KCNQ5: variants seen among roughly 807,000 people sequenced by gnomAD.
KCNQ5 encodes potassium voltage-gated channel subfamily Q member 5.
A neutral mutation model predicts 98.2 loss-of-function variants in KCNQ5; 30 were observed. The ratio of observed to expected loss-of-function variants is 0.31; its 90% CI spans 0.23 to 0.41. The LOEUF is 0.41. Among genes scored for constraint, KCNQ5 ranks in the 10% least tolerant of loss-of-function variants. The pLI is 1.00. For synonymous variants in KCNQ5, 458 were observed against 449.4 expected, an observed-to-expected ratio of 1.02 and a Z score of -0.24; for missense variants, 835 against 1,182.5, an observed-to-expected ratio of 0.71 and a Z score of 4.31.
In KCNQ5 at chr6:72,919,526, G is replaced by A. The variant is rs577763190; in HGVS notation, c.399-84382G>A. ...TAGTTATATGTTGTATTTTTCAGAT[G>A]AGGAAACAGAGGACTGAAGTTCAGT... On this transcript the variant is annotated intron_variant, in intron 1 of 13. Coordinates refer to ENST00000370398, the MANE Select transcript of KCNQ5 (RefSeq NM_019842.4). Among the ~76,000 whole-genome samples the A allele has an allele frequency of 2.0e-5, 3 of 152,226 alleles. No homozygotes were observed. In the South Asian group the frequency reaches 6.2e-4, roughly 32 times the overall value.
intron 10 of KCNQ5, among the ~76,000 whole-genome samples, chr6:73,168,274 A>C (rs1777879291): frequency 6.6e-6 from 1 of 152,246 alleles, no homozygotes; most frequent in African/African-American, 2.4e-5. Flanking sequence ...TTTGGAGCCC[A>C]ACCAGGACAG....
intron 2 of KCNQ5, among the ~76,000 whole-genome samples, chr6:73,018,925 A>C (rs1014488800): frequency 2.6e-5 from 4 of 152,116 alleles, no homozygotes; most frequent in African/African-American, 9.7e-5. Flanking sequence ...TACCTTCTTT[A>C]TTTTGGATAC....
chr6:72,648,495 C>A (rs141438793), intron 1 of KCNQ5, among the ~76,000 whole-genome samples: 2 of 152,054 alleles, frequency 1.3e-5, no homozygotes, highest in Non-Finnish European at 2.9e-5. Context: ...GGTGCAAAAA[C>A]ATTTTTATAG....
At chr6:73,192,884 AATCTC>A (rs1300077401) in intron 13 of KCNQ5, among the ~76,000 whole-genome samples, 193 bp downstream of exon 13, 1 of 151,894 alleles carries the variant, frequency 6.6e-6, no homozygotes, top group East Asian at 1.9e-4. Context: ...AGGAATAGAA[AATCTC>A]ATCTCATCAA....
chr6:73,154,346 A>G (rs1429982907), intron 10 of KCNQ5, among the ~76,000 whole-genome samples: 1 of 152,222 alleles, frequency 6.6e-6, no homozygotes, highest in Non-Finnish European at 1.5e-5. Flanking sequence ...TTGTTGCTAC[A>G]GTACCAGCAA....
chr6:72,667,694 AG>A (rs534303760), intron 1 of KCNQ5, among the ~76,000 whole-genome samples: 117 of 152,328 alleles, frequency 7.7e-4, no homozygotes, highest in African/African-American at 2.7e-3. Context: ...CAAATGGTTG[AG>A]GTTAATATCA....
At chr6:73,022,273 A>G (rs531319120) in intron 2 of KCNQ5, among the ~76,000 whole-genome samples, 31 of 152,132 alleles carry the variant, frequency 2.0e-4, no homozygotes, top group Non-Finnish European at 1.5e-5. Flanking sequence ...ATAGTTACCA[A>G]TCCCTCCTCA....
intron 1 of KCNQ5, among the ~76,000 whole-genome samples, chr6:72,840,064 T>G (rs1274691272): frequency 6.6e-6 from 1 of 152,224 alleles, no homozygotes; most frequent in East Asian, 1.9e-4. Flanking sequence ...TGAGTTTGAC[T>G]GTTTAACTCA....
chr6:73,110,828 G>C (rs1179185215), intron 6 of KCNQ5, among the ~76,000 whole-genome samples: 1 of 152,104 alleles, frequency 6.6e-6, no homozygotes, highest in Non-Finnish European at 1.5e-5. Flanking sequence ...TCATCAAAGT[G>C]CTAGAAGTAT....
chr6:73,116,179 G>GCAATGA (rs1226845531), intron 7 of KCNQ5, among the ~76,000 whole-genome samples: 5 of 152,166 alleles, frequency 3.3e-5, no homozygotes, highest in Non-Finnish European at 5.9e-5. Context: ...ACTGGGAACA[G>GCAATGA]CAGTTACATT....
At chr6:73,010,368 C>T (rs1453916979) in intron 2 of KCNQ5, among the ~76,000 whole-genome samples, 1 of 151,916 alleles carries the variant, frequency 6.6e-6, no homozygotes, top group Non-Finnish European at 1.5e-5. Context: ...ACTACCTCAA[C>T]ATGATAAAAG....
intron 1 of KCNQ5, among the ~76,000 whole-genome samples, chr6:72,741,599 A>G (rs1561953976): frequency 1.3e-5 from 2 of 152,164 alleles, no homozygotes; most frequent in Non-Finnish European, 1.5e-5. Flanking sequence ...CTGGTCCATA[A>G]TCTTCATTTT....
intron 2 of KCNQ5, among the ~76,000 whole-genome samples, chr6:73,037,386 AT>A (rs1443293726): frequency 6.6e-6 from 1 of 151,826 alleles, no homozygotes; most frequent in African/African-American, 2.4e-5. Flanking sequence ...CCAATTTCTC[AT>A]TTTTTCCTTT....
chr6:72,668,471 G>T (rs67895524), intron 1 of KCNQ5, among the ~76,000 whole-genome samples: 32,865 of 152,004 alleles, frequency 0.22, 4,580 homozygotes, highest in East Asian at 0.51. Context: ...CTCTGTGTGT[G>T]TGTGTGTGTT....
intron 1 of KCNQ5, among the ~76,000 whole-genome samples, chr6:72,875,834 T>G (rs1778384669): frequency 6.6e-6 from 1 of 152,098 alleles, no homozygotes; most frequent in African/African-American, 2.4e-5. Context: ...ATTAATTTTT[T>G]GTTATGATTA....
chr6:73,023,585 C>T (rs908874217), intron 2 of KCNQ5, among the ~76,000 whole-genome samples: 1 of 152,152 alleles, frequency 6.6e-6, no homozygotes, highest in Non-Finnish European at 1.5e-5. Context: ...CCCCTAGGAA[C>T]CTTCATTTAA....
At chr6:72,746,113 T>G in intron 1 of KCNQ5, among the ~76,000 whole-genome samples, 1 of 139,524 alleles carries the variant, frequency 7.2e-6, no homozygotes, top group Non-Finnish European at 1.5e-5. Context: ...AAGGGTCACA[T>G]TCACAAATAC....
intron 1 of KCNQ5, among the ~76,000 whole-genome samples, chr6:72,671,965 C>T (rs1452694704): frequency 2.6e-5 from 4 of 151,698 alleles, no homozygotes; most frequent in Admixed American, 6.6e-5. Flanking sequence ...TACAGGCACC[C>T]GCCACCACGC....
intron 1 of KCNQ5, among the ~76,000 whole-genome samples, chr6:72,770,386 G>A (rs946841684): frequency 9.9e-5 from 15 of 152,116 alleles, no homozygotes; most frequent in Non-Finnish European, 2.2e-4. Context: ...AAATGTTTCA[G>A]TGATGGCTTG....
Sources: allele counts gnomAD v4.1 joint callset (sites outside exome capture counted in the v4.1 genomes callset), GRCh38; gene constraint gnomAD v4.1.1; transcripts MANE v1.5; gene names NCBI Gene and HGNC (gene_info 2026-07-23, HGNC 2026-07-21).